ELMO1: variants seen among roughly 807,000 people sequenced by gnomAD.
ELMO1 encodes engulfment and cell motility protein 1.
Under a neutral mutation model 98.9 loss-of-function variants are expected in ELMO1, and 26 were observed. The ratio of observed to expected loss-of-function variants is 0.26; its 90% confidence interval spans 0.19 to 0.36. The LOEUF (loss-of-function observed/expected upper bound fraction) is 0.36, where lower values mean the gene tolerates loss of function less well. Ranked by LOEUF, ELMO1 falls within the 10% of genes least tolerant of loss-of-function variation. The pLI is 1.00. For synonymous variants in ELMO1, 346 were observed against 346.0 expected (o/e 1.00, Z 0.00); for missense variants, 627 against 935.2 (o/e 0.67, Z 4.30).
At chr7:37,278,953 G>A (rs1352515286) in intron 4 of ELMO1, among the ~76,000 whole-genome samples, 1 of 152,140 alleles carries the variant, frequency 6.6e-6, no homozygotes, top group Non-Finnish European at 1.5e-5. Flanking sequence ...TGTAATCCGA[G>A]CACTTTGGGA....
At chr7:36,897,935 G>T (rs1481574117) in intron 16 of ELMO1, among the ~76,000 whole-genome samples, 1 of 152,242 alleles carries the variant, frequency 6.6e-6, no homozygotes, top group Non-Finnish European at 1.5e-5. Flanking sequence ...GATATAAGCA[G>T]TGGGTATAAA....
intron 15 of ELMO1, among the ~76,000 whole-genome samples, chr7:37,092,366 CTTTTTTTTTTTTTT>C (rs537388417): frequency 0.095 from 6,535 of 68,934 alleles, 279 homozygotes; most frequent in Middle Eastern, 0.21. Context: ...TACCCATATT[CTTTTTTTTTTTTTT>C]TTTTTTTTTT....
chr7:37,205,913 C>T (rs1317320189), intron 13 of ELMO1, among the ~76,000 whole-genome samples: 2 of 152,108 alleles, frequency 1.3e-5, no homozygotes, highest in East Asian at 1.9e-4. Flanking sequence ...TCTTCTATAA[C>T]CTTTCCCTCA....
intron 16 of ELMO1, among the ~76,000 whole-genome samples, chr7:36,919,109 G>A (rs867347806): frequency 2.0e-5 from 3 of 152,222 alleles, no homozygotes; most frequent in Middle Eastern, 3.4e-3. Flanking sequence ...TTGCACAAAC[G>A]TAGCAACTTT....
chr7:37,291,883 G>GCA (rs1294260729), intron 4 of ELMO1, among the ~76,000 whole-genome samples: 2 of 144,190 alleles, frequency 1.4e-5, no homozygotes, highest in African/African-American at 2.5e-5. Context: ...CCACTGCACC[G>GCA]CAGCCTGGGC....
intron 13 of ELMO1, among the ~76,000 whole-genome samples, chr7:37,158,822 A>G (rs968065186): frequency 1.4e-4 from 21 of 152,370 alleles, no homozygotes; most frequent in Middle Eastern, 3.4e-3. Flanking sequence ...CCAAAGGATT[A>G]TAAATCATGC....
At chr7:37,250,286 G>A (rs958565941) in intron 6 of ELMO1, among the ~76,000 whole-genome samples, 2 of 151,968 alleles carry the variant, frequency 1.3e-5, no homozygotes, top group African/African-American at 4.8e-5. Flanking sequence ...TTAATCACAT[G>A]GAAATATTGT....
chr7:37,107,670 T>C (rs1237891458), intron 14 of ELMO1, among the ~76,000 whole-genome samples: 2 of 152,240 alleles, frequency 1.3e-5, no homozygotes, highest in Non-Finnish European at 2.9e-5. Flanking sequence ...AAAATTAAGC[T>C]TGACATTTCT....
intron 4 of ELMO1, among the ~76,000 whole-genome samples, chr7:37,290,416 G>A (rs1405264644): frequency 6.6e-6 from 1 of 152,096 alleles, no homozygotes; most frequent in African/African-American, 2.4e-5. Context: ...TACTTATTTT[G>A]TTAATCTTTA....
intron 15 of ELMO1, among the ~76,000 whole-genome samples, chr7:37,095,225 C>A (rs1349476674): frequency 1.3e-5 from 2 of 152,180 alleles, no homozygotes; most frequent in Non-Finnish European, 2.9e-5. Context: ...ACATGTTTTC[C>A]AGCCAGCAAC....
At chr7:36,993,609 C>A (rs1033533023) in intron 16 of ELMO1, among the ~76,000 whole-genome samples, 1 of 152,044 alleles carries the variant, frequency 6.6e-6, no homozygotes, top group Non-Finnish European at 1.5e-5. Context: ...AGAATAAGCT[C>A]TATAACATAA....
chr7:37,178,446 A>G (rs1399438990), intron 13 of ELMO1, among the ~76,000 whole-genome samples: 1 of 151,866 alleles, frequency 6.6e-6, no homozygotes, highest in African/African-American at 2.4e-5. Context: ...AAAAAAAAAA[A>G]AAAGAAAAAA....
intron 9 of ELMO1, 129 bp from the exon 10 acceptor site, chr7:37,222,822 C>T: frequency 1.4e-6 from 1 of 729,360 alleles, no homozygotes; most frequent in Non-Finnish European, 2.3e-6. Context: ...AAGGCAGGGC[C>T]TAGAAAATGC....
intron 2 of ELMO1, among the ~76,000 whole-genome samples, chr7:37,324,177 G>C (rs1799671455): frequency 6.6e-6 from 1 of 152,146 alleles, no homozygotes; most frequent in African/African-American, 2.4e-5. Flanking sequence ...CTGTCTGTTG[G>C]CCAAGGCACC....
At chr7:37,387,231 C>T (rs932565673) in intron 1 of ELMO1, among the ~76,000 whole-genome samples, 6 of 152,216 alleles carry the variant, frequency 3.9e-5, no homozygotes, top group Non-Finnish European at 7.3e-5. Context: ...GGATTAGTTC[C>T]GAGTGCTGCC....
chr7:36,877,260 G>GGGCTTTTT (rs1804057595), intron 19 of ELMO1, among the ~76,000 whole-genome samples: 1 of 152,014 alleles, frequency 6.6e-6, no homozygotes, highest in Non-Finnish European at 1.5e-5. Context: ...TTTTCTACTT[G>GGGCTTTTT]GGATATCCTC....
chr7:37,192,375 G>T (rs902802664), intron 13 of ELMO1, among the ~76,000 whole-genome samples: 2 of 150,624 alleles, frequency 1.3e-5, no homozygotes, highest in Non-Finnish European at 3.0e-5. Flanking sequence ...CATGCCTGTA[G>T]TCCCAGCTAC....
intron 4 of ELMO1, among the ~76,000 whole-genome samples, chr7:37,290,613 C>T (rs369782202): frequency 2.6e-5 from 4 of 151,998 alleles, no homozygotes; most frequent in Non-Finnish European, 4.4e-5. Flanking sequence ...ACTAAATATA[C>T]GTATAAAAAC....
intron 16 of ELMO1, among the ~76,000 whole-genome samples, chr7:36,988,470 C>T (rs1263589842): frequency 6.6e-6 from 1 of 152,222 alleles, no homozygotes; most frequent in African/African-American, 2.4e-5. Context: ...AGTGATACAA[C>T]AAACTGACAA....
Sources: gnomAD v4.1 joint callset for allele counts (sites outside exome capture counted in the v4.1 genomes callset) on GRCh38, gnomAD v4.1.1 for gene constraint, MANE v1.5 for transcripts, NCBI Gene and HGNC (gene_info 2026-07-23, HGNC 2026-07-21) for gene names.